PLD5: variants seen among roughly 807,000 people sequenced by gnomAD.
PLD5 encodes phospholipase D family member 5, also known as inactive phospholipase D5.
A neutral mutation model predicts 61.1 loss-of-function variants in PLD5; 36 were observed. The observed-to-expected ratio is 0.59, with a 90% CI of 0.45 to 0.78. The LOEUF (loss-of-function observed/expected upper bound fraction) is 0.78, where lower values mean the gene tolerates loss of function less well. Ranked by LOEUF, PLD5 falls within the 30% of genes least tolerant of loss-of-function variation. The pLI is 0.00. For synonymous variants in PLD5, 243 were observed against 242.8 expected (o/e 1.00, Z -0.01); for missense variants, 515 against 644.4 (o/e 0.80, Z 2.17).
intron 4 of PLD5, among the ~76,000 whole-genome samples, chr1:242,247,125 A>T (rs2149074972): frequency 6.6e-6 from 1 of 152,050 alleles, no homozygotes; most frequent in East Asian, 1.9e-4. Context: ...CTGGGACTAC[A>T]GGCGCCCGCC....
chr1:242,402,858 A>G (rs1453823519), intron 1 of PLD5, among the ~76,000 whole-genome samples: 1 of 152,246 alleles, frequency 6.6e-6, no homozygotes, highest in Non-Finnish European at 1.5e-5. Flanking sequence ...AATAATTGGC[A>G]AATAGATATA....
At chr1:242,417,679 G>C (rs559313890) in intron 1 of PLD5, among the ~76,000 whole-genome samples, 1 of 152,338 alleles carries the variant, frequency 6.6e-6, no homozygotes, top group South Asian at 2.1e-4. Context: ...GAGCCCTCCA[G>C]GGCTAAGCCC....
At chr1:242,113,851 A>G in intron 7 of PLD5, 39 bp downstream of exon 7, 1 of 1,593,900 alleles carries the variant, frequency 6.3e-7, no homozygotes, top group East Asian at 2.3e-5. Context: ...GCCTGGTCTT[A>G]GGGACTGGGT....
chr1:242,245,455 G>A (rs988078052), intron 4 of PLD5, among the ~76,000 whole-genome samples: 1 of 152,166 alleles, frequency 6.6e-6, no homozygotes. Context: ...CAAATCAAGC[G>A]CTTGCCTGTT....
chr1:242,501,829 C>T (rs988102241), intron 1 of PLD5, among the ~76,000 whole-genome samples: 1 of 149,126 alleles, frequency 6.7e-6, no homozygotes, highest in African/African-American at 2.5e-5. Flanking sequence ...CATGCTGTAC[C>T]TTAAATATAA....
At chr1:242,418,668 G>A (rs745684770) in intron 1 of PLD5, among the ~76,000 whole-genome samples, 7 of 152,202 alleles carry the variant, frequency 4.6e-5, no homozygotes, top group African/African-American at 1.7e-4. Context: ...ATTAAGTGAA[G>A]TGGCAACTGA....
chr1:242,452,685 G>T (rs199732786), intron 1 of PLD5, among the ~76,000 whole-genome samples: 1 of 152,040 alleles, frequency 6.6e-6, no homozygotes, highest in Non-Finnish European at 1.5e-5. Flanking sequence ...GTGTAATGGC[G>T]TGTGTCTGCA....
At chr1:242,397,122 A>G (rs1357350676) in intron 1 of PLD5, among the ~76,000 whole-genome samples, 2 of 151,974 alleles carry the variant, frequency 1.3e-5, no homozygotes, top group Non-Finnish European at 2.9e-5. Context: ...GTCTCACCTA[A>G]TATCATTATT....
At chr1:242,187,373 T>C (rs1361476912) in intron 5 of PLD5, among the ~76,000 whole-genome samples, 4 of 152,246 alleles carry the variant, frequency 2.6e-5, no homozygotes, top group African/African-American at 9.6e-5. Context: ...TGAGTCATCA[T>C]AGCAGTCCTG....
intron 1 of PLD5, among the ~76,000 whole-genome samples, chr1:242,481,232 C>G (rs994479403): frequency 6.6e-6 from 1 of 152,144 alleles, no homozygotes; most frequent in African/African-American, 2.4e-5. Flanking sequence ...GGGTGCAGCG[C>G]ACCAAACTTG....
intron 4 of PLD5, among the ~76,000 whole-genome samples, chr1:242,263,827 T>A (rs1283386377): frequency 6.6e-6 from 1 of 152,250 alleles, no homozygotes; most frequent in Non-Finnish European, 1.5e-5. Context: ...CATTTGTCAA[T>A]CACTATTTGC....
At chr1:242,403,838 T>G (rs1343837150) in intron 1 of PLD5, among the ~76,000 whole-genome samples, 1 of 152,164 alleles carries the variant, frequency 6.6e-6, no homozygotes, top group Non-Finnish European at 1.5e-5. Context: ...CTTTTCCTCC[T>G]TTTCTGCCTC....
At chr1:242,316,533 T>C (rs2149180435) in intron 2 of PLD5, among the ~76,000 whole-genome samples, 1 of 152,340 alleles carries the variant, frequency 6.6e-6, no homozygotes, top group South Asian at 2.1e-4. Flanking sequence ...TCTGGTTAGA[T>C]GAATAATTAG....
chr1:242,458,685 T>TAA (rs1454313860), intron 1 of PLD5, among the ~76,000 whole-genome samples: 1 of 152,242 alleles, frequency 6.6e-6, no homozygotes, highest in East Asian at 1.9e-4. Flanking sequence ...TATATGTTAT[T>TAA]AGTAGGAAAG....
intron 5 of PLD5, among the ~76,000 whole-genome samples, chr1:242,194,593 T>G (rs1237312814): frequency 5.3e-5 from 4 of 75,278 alleles, no homozygotes; most frequent in Non-Finnish European, 9.4e-5. Context: ...TATCTATCTA[T>G]CTATCTATCT....
chr1:242,470,378 G>GAAAA (rs796211716), intron 1 of PLD5, among the ~76,000 whole-genome samples: 2 of 62,240 alleles, frequency 3.2e-5, no homozygotes, highest in Non-Finnish European at 6.2e-5. Context: ...AAGAAAGAAA[G>GAAAA]AAAAAAAAGA....
chr1:242,152,146 G>C (rs1664975259), intron 5 of PLD5, among the ~76,000 whole-genome samples: 1 of 151,972 alleles, frequency 6.6e-6, no homozygotes, highest in Non-Finnish European at 1.5e-5. Context: ...GGAGGCTCTA[G>C]GGGATAATCC....
chr1:242,515,530 G>T (rs1342892293), intron 1 of PLD5, among the ~76,000 whole-genome samples: 1 of 152,122 alleles, frequency 6.6e-6, no homozygotes, highest in Non-Finnish European at 1.5e-5. Context: ...CCTGTTTCTT[G>T]ACATAAATGG....
At chr1:242,179,411 T>TAAAG (rs1384476172) in intron 5 of PLD5, among the ~76,000 whole-genome samples, 3 of 152,194 alleles carry the variant, frequency 2.0e-5, no homozygotes, top group Non-Finnish European at 2.9e-5. Context: ...TGTCAGTGAT[T>TAAAG]AAAGACTCTT....
Sources: allele counts gnomAD v4.1 joint callset (sites outside exome capture counted in the v4.1 genomes callset), GRCh38; gene constraint gnomAD v4.1.1; transcripts MANE v1.5; gene names NCBI Gene and HGNC (gene_info 2026-07-23, HGNC 2026-07-21).